PLCG2: variants seen among roughly 807,000 people sequenced by gnomAD.
The protein encoded by PLCG2 is 1-phosphatidylinositol 4,5-bisphosphate phosphodiesterase gamma-2.
In PLCG2, 69 loss-of-function variants were observed where a neutral mutation model predicts 175.6. That is an observed-to-expected ratio of 0.39 (90% CI 0.32 to 0.48). The LOEUF (loss-of-function observed/expected upper bound fraction) is 0.48. PLCG2 is among the 20% of genes least tolerant of loss of function. The pLI is 0.91. For missense variants in PLCG2, 1,798 were observed against 1,650.9 expected (o/e 1.09, Z -1.54); for synonymous variants, 827 against 624.0 (o/e 1.33, Z -4.85).
At chr16:81,746,084 A>G (rs983281484) in intron 1 of PLCG2, among the ~76,000 whole-genome samples, 1 of 152,186 alleles carries the variant, frequency 6.6e-6, no homozygotes, top group Non-Finnish European at 1.5e-5. Flanking sequence ...AGAAAACTCA[A>G]TAGGCAAGAG....
chr16:81,808,249 G>A (rs146378438), intron 2 of PLCG2, among the ~76,000 whole-genome samples: 7 of 152,166 alleles, frequency 4.6e-5, no homozygotes, highest in South Asian at 2.1e-4. Flanking sequence ...GTTTTCCAAC[G>A]GGGCTACACT....
intron 5 of PLCG2, among the ~76,000 whole-genome samples, chr16:81,865,142 C>T (rs992201340): frequency 1.3e-5 from 2 of 152,130 alleles, no homozygotes; most frequent in Non-Finnish European, 1.5e-5. Context: ...GTGGAGCTGT[C>T]CTGAATTGAG....
chr16:81,786,267 C>G lies in PLCG2; in HGVS notation c.193+85C>G. 5 of 1,095,460 alleles carry G rather than the reference C, an allele frequency of 4.6e-6. No individual in the cohort carries two copies. The African/African-American group carries it at 6.3e-5, about 14-fold the overall frequency. 67.9% of individuals were successfully genotyped at this position (1,095,460 alleles called of 1,614,324 possible). A position where few individuals can be genotyped will look rare whatever the true frequency, so the allele number is the denominator to read the frequency against. ...TGTCCACCTTCCTGTCTTGTCATTA[C>G]TGTGATTGTTGTTGGTTTGATGTGT... On this transcript the variant is annotated intron_variant, in intron 2 of 32. Transcript: ENST00000564138.
chr16:81,847,910 C>T (rs992351857), intron 2 of PLCG2, among the ~76,000 whole-genome samples: 7 of 152,096 alleles, frequency 4.6e-5, no homozygotes, highest in Admixed American at 2.6e-4. Flanking sequence ...GGAACCGATC[C>T]CCAACAGTCA....
rs190106939 is a variant in PLCG2, at chr16:81,835,572, C to T, written c.194-18872C>T. ...CTAGCCTGGGCGACAGAGCAAGACT[C>T]GGTCTCAAATATAATAATAATAATA... On this transcript the variant is annotated intron_variant, in intron 2 of 32. Transcript: ENST00000564138. Among the ~76,000 whole-genome samples, 420 of 148,904 alleles carry T rather than the reference C, an allele frequency of 2.8e-3. 3 individuals carry two copies. The highest frequency in any genetic ancestry group is 9.7e-3 in the African/African-American group (396 of 40,926).
intron 3 of PLCG2, chr16:81,857,802 G>T (rs544743222): frequency 6.3e-6 from 1 of 159,228 alleles, no homozygotes; most frequent in Non-Finnish European, 1.4e-5. Flanking sequence ...GCTATGAGCT[G>T]TGTGGCCTTG....
chr16:81,821,336 C>T (rs1183218894), intron 2 of PLCG2, among the ~76,000 whole-genome samples: 1 of 152,202 alleles, frequency 6.6e-6, no homozygotes, highest in Admixed American at 6.5e-5. Context: ...AACAAACCAC[C>T]CCAAGGCATA....
Position 81,854,607 on chromosome 16 carries a change from C to A in PLCG2, c.337+20C>A. The A allele has an allele frequency of 2.5e-6, 4 of 1,609,024 alleles. No individual in the cohort carries two copies. Among genetic ancestry groups the A allele is most frequent in the East Asian group, 2.2e-5 (1 of 44,724 alleles). Reference sequence around the variant, plus strand: ...TGGCAGGTAGGTGCATGTTTCTGTGCCTTTCTCCTTCCCTGTGCCTTAGTG... The same window carrying A: ...TGGCAGGTAGGTGCATGTTTCTGTGACTTTCTCCTTCCCTGTGCCTTAGTG... On this transcript the variant is annotated intron_variant, in intron 3 of 32. Transcript: ENST00000564138.
intron 2 of PLCG2, among the ~76,000 whole-genome samples, chr16:81,830,521 G>A (rs934191089): frequency 6.6e-6 from 1 of 151,920 alleles, no homozygotes; most frequent in African/African-American, 2.4e-5. Context: ...TGGCCATGCT[G>A]GTCTTGGAAC....
intron 1 of PLCG2, chr16:81,740,724 C>CAAAAAAAAAAAAA (rs746287603): frequency 1.1e-4 from 3 of 27,938 alleles, no homozygotes; most frequent in African/African-American, 2.9e-4. Flanking sequence ...GACTCCATCT[C>CAAAAAAAAAAAAA]AAAAAAAAAA....
Position 81,958,185 on chromosome 16 carries a change from G to A in PLCG2, c.*187G>A. ...GGTAATTTCCTATTATTTTCATCTT[G>A]GACAACTTTCTTAACTTATATTCTT... On this transcript the variant is annotated 3_prime_UTR_variant, in exon 33 of 33. Transcript: ENST00000564138. The A allele has an allele frequency of 1.7e-6, 1 of 594,744 alleles. No homozygotes were observed. The highest frequency in any genetic ancestry group is 3.1e-6 in the Non-Finnish European group (1 of 325,356). 36.8% of individuals were successfully genotyped at this position (594,744 alleles called of 1,614,324 possible).
chr16:81,923,645 C>A, intron 22 of PLCG2, 51 bp downstream of exon 22: 1 of 1,123,784 alleles, frequency 8.9e-7, no homozygotes, highest in South Asian at 1.3e-5. Context: ...TGACTTGTCC[C>A]TTCTTGGTGA....
chr16:81,903,449 C>T (rs765073632), intron 14 of PLCG2, among the ~76,000 whole-genome samples: 4 of 152,186 alleles, frequency 2.6e-5, no homozygotes, highest in Admixed American at 6.5e-5. Flanking sequence ...AGACTGTGAC[C>T]CTTAAGGTAC....
chr16:81,919,725 G>A, intron 20 of PLCG2, 61 bp downstream of exon 20: 25 of 1,425,436 alleles, frequency 1.8e-5, no homozygotes, highest in Non-Finnish European at 2.4e-5. Flanking sequence ...TAACTCATCT[G>A]TTCATGAATT....
chr16:81,922,567 C>T lies in PLCG2; in HGVS notation c.2308-918C>T, dbSNP rs556786567. On this transcript the variant is annotated intron_variant, in intron 21 of 32. Transcript: ENST00000564138. ...AAAAATTTAATTCCCATTTCACAGACGGGGGAACTGAGGATCAGAGAGACT... is the reference window on the plus strand; with the variant it reads ...AAAAATTTAATTCCCATTTCACAGATGGGGGAACTGAGGATCAGAGAGACT... Among the ~76,000 whole-genome samples the T allele has an allele frequency of 4.5e-4, 68 of 152,190 alleles. 1 individual carries two copies. In the South Asian group the frequency reaches 0.012, roughly 27 times the overall value.
chr16:81,954,165 G>A (rs553173600), intron 31 of PLCG2, among the ~76,000 whole-genome samples: 4 of 151,996 alleles, frequency 2.6e-5, no homozygotes, highest in Admixed American at 2.6e-4. Context: ...TGGGAGTACA[G>A]GGTATGCCAC....
At chr16:81,837,588 A>C (rs1015392707) in intron 2 of PLCG2, among the ~76,000 whole-genome samples, 3 of 152,094 alleles carry the variant, frequency 2.0e-5, no homozygotes, top group Non-Finnish European at 4.4e-5. Context: ...GGCAGTGCCT[A>C]GGGAGCCTGA....
chr16:81,877,298 CAA>C (rs202065168), intron 7 of PLCG2, among the ~76,000 whole-genome samples: 4 of 151,890 alleles, frequency 2.6e-5, no homozygotes, highest in African/African-American at 7.3e-5. Flanking sequence ...ACTAAAAATA[CAA>C]AAAAAATTAG....
At chr16:81,947,566 C>G (rs1373946871) in intron 31 of PLCG2, among the ~76,000 whole-genome samples, 1 of 152,198 alleles carries the variant, frequency 6.6e-6, no homozygotes, top group Non-Finnish European at 1.5e-5. Flanking sequence ...GGTAAACAGC[C>G]TCAATGCAGA....
Sources: allele counts gnomAD v4.1 joint callset (sites outside exome capture counted in the v4.1 genomes callset), GRCh38; gene constraint gnomAD v4.1.1; transcripts MANE v1.5; gene names NCBI Gene and HGNC (gene_info 2026-07-23, HGNC 2026-07-21).